VPS13C: variants seen among roughly 807,000 people sequenced by gnomAD.
VPS13C encodes the protein vacuolar protein sorting 13 homolog C.
A neutral mutation model predicts 456.8 loss-of-function variants in VPS13C; 358 were observed. The ratio of observed to expected loss-of-function variants is 0.78; its 90% CI spans 0.72 to 0.86. VPS13C has a LOEUF of 0.86. VPS13C is among the 40% of genes least tolerant of loss of function. The pLI is 0.00. For synonymous variants in VPS13C, 1,578 were observed against 1,486.7 expected (o/e 1.06, Z -1.41); for missense variants, 4,818 against 4,385.4 (o/e 1.10, Z -2.79).
chr15:61,889,874 A>AACACACAC (rs10689074), intron 67 of VPS13C, among the ~76,000 whole-genome samples: 6 of 150,762 alleles, frequency 4.0e-5, no homozygotes, highest in Non-Finnish European at 7.4e-5. Flanking sequence ...TAACTCATTA[A>AACACACAC]ACACACACAC....
At chr15:61,904,471 C>T (rs2043097248) in intron 66 of VPS13C, among the ~76,000 whole-genome samples, 1 of 145,980 alleles carries the variant, frequency 6.9e-6, no homozygotes, top group South Asian at 2.2e-4. Context: ...CAGTTAGAGG[C>T]TTTAATTAAA....
chr15:61,957,892 A>G (rs996834774), intron 37 of VPS13C, among the ~76,000 whole-genome samples: 2 of 152,116 alleles, frequency 1.3e-5, no homozygotes, highest in African/African-American at 4.8e-5. Flanking sequence ...GCAGATCTAT[A>G]CATATCTACA....
chr15:61,983,533 T>G (rs2045947738), intron 20 of VPS13C, among the ~76,000 whole-genome samples: 1 of 152,154 alleles, frequency 6.6e-6, no homozygotes, highest in African/African-American at 2.4e-5. Flanking sequence ...GTGTAACAAT[T>G]TGGAAGTCGT....
intron 38 of VPS13C, among the ~76,000 whole-genome samples, chr15:61,953,846 A>G (rs2044889516): frequency 6.6e-6 from 1 of 152,114 alleles, no homozygotes; most frequent in African/African-American, 2.4e-5. Context: ...CAGCACCCCA[A>G]GCTCCAATTA....
chr15:61,986,172 T>C lies in VPS13C; in HGVS notation c.1579-1173A>G, dbSNP rs77143923. Among the ~76,000 whole-genome samples the C allele has an allele frequency of 5.7e-5, 8 of 139,532 alleles. No individual in the cohort carries two copies. The South Asian group carries it at 1.2e-3, about 21-fold the overall frequency. The allele number at this position is 139,532 out of a possible 152,430, so 91.5% of individuals were successfully genotyped here. ...ACAGGCTCACTAGATTCATGACAAA[T>C]TGGAACAAAAACCAGCAGAAACAAC... On this transcript the variant is annotated intron_variant, in intron 18 of 84. Transcript: ENST00000644861.
intron 9 of VPS13C, among the ~76,000 whole-genome samples, chr15:62,018,243 T>C (rs919290998): frequency 2.0e-5 from 3 of 152,144 alleles, no homozygotes; most frequent in African/African-American, 7.2e-5. Flanking sequence ...CACGGACAAT[T>C]TGACTTCCTC....
At chr15:61,872,121 G>A in intron 78 of VPS13C, 87 bp from the exon 79 acceptor site, 1 of 1,053,642 alleles carries the variant, frequency 9.5e-7, no homozygotes, top group East Asian at 2.5e-5. Flanking sequence ...CAGACATACT[G>A]GAAATAACAA....
chr15:62,000,699 C>T lies in VPS13C; in HGVS notation c.1291-73G>A, dbSNP rs1311004277. 16 of 1,192,360 alleles carry T rather than the reference C, an allele frequency of 1.3e-5. No individual in the cohort carries two copies. The East Asian group carries it at 3.9e-4, about 29-fold the overall frequency. 73.9% of individuals were successfully genotyped at this position (1,192,360 alleles called of 1,614,324 possible). A position where few individuals can be genotyped will look rare whatever the true frequency, so the allele number is the denominator to read the frequency against. ...AAAAGAAATTTTTCTTTCATGATTT[C>T]TAGGCATATCTAGTCCATTATCAGT... On this transcript the variant is annotated intron_variant, in intron 15 of 84. Transcript: ENST00000644861.
intron 66 of VPS13C, among the ~76,000 whole-genome samples, chr15:61,899,848 A>T (rs947458801): frequency 6.6e-6 from 1 of 151,476 alleles, no homozygotes; most frequent in Non-Finnish European, 1.5e-5. Flanking sequence ...ATGAACATCG[A>T]TGCAAAAATC....
At chr15:62,012,001 T>G in intron 12 of VPS13C, 106 bp downstream of exon 12, 1 of 692,696 alleles carries the variant, frequency 1.4e-6, no homozygotes, top group Admixed American at 3.0e-5. Context: ...AGGTATAAAA[T>G]TAATATACTT....
At chr15:62,006,779 T>C (rs923402802) in intron 15 of VPS13C, among the ~76,000 whole-genome samples, 1 of 152,228 alleles carries the variant, frequency 6.6e-6, no homozygotes, top group African/African-American at 2.4e-5. Context: ...GTTTCCTGAC[T>C]TTTTAATGGT....
At chr15:62,002,805 G>C (rs77181742) in intron 15 of VPS13C, among the ~76,000 whole-genome samples, 9,285 of 152,152 alleles carry the variant, frequency 0.061, 343 homozygotes, top group Non-Finnish European at 0.084. Context: ...GTTTTTGTCA[G>C]GTTTGTCAAA....
At position 61,858,918 on chromosome 15, in the gene VPS13C, G is replaced by A. The variant is rs1391832164; in HGVS notation, c.10953-2509C>T. ...TAACTGGTCTCCTTGCCTCTGGACTGATTCTCTTCCAGTATAACATCCAAA... is the reference window on the plus strand; with the variant it reads ...TAACTGGTCTCCTTGCCTCTGGACTAATTCTCTTCCAGTATAACATCCAAA... On this transcript the variant is annotated intron_variant, in intron 82 of 84. Coordinates refer to ENST00000644861, the MANE Select transcript of VPS13C (RefSeq NM_020821.3). The surrounding 1 kb of genome is among the most constrained non-coding windows in gnomAD (Gnocchi z 4.4). Among the ~76,000 whole-genome samples, 1 of 152,306 alleles carries A rather than the reference G, an allele frequency of 6.6e-6. No homozygotes were observed. The highest frequency in any genetic ancestry group is 1.9e-4 in the East Asian group (1 of 5,184).
chr15:61,907,240 G>A, intron 66 of VPS13C, 24 bp downstream of exon 66: 1 of 1,612,958 alleles, frequency 6.2e-7, no homozygotes, highest in South Asian at 1.1e-5. Flanking sequence ...AACTCATATA[G>A]CACTCATTCA....
intron 81 of VPS13C, among the ~76,000 whole-genome samples, chr15:61,868,375 A>T (rs1894743935): frequency 6.6e-6 from 1 of 152,176 alleles, no homozygotes; most frequent in Admixed American, 6.5e-5. Context: ...AAAATTAACA[A>T]TGTTAACTAA....
At chr15:61,872,979 T>C (rs888958803) in intron 78 of VPS13C, among the ~76,000 whole-genome samples, 1 of 152,080 alleles carries the variant, frequency 6.6e-6, no homozygotes, top group African/African-American at 2.4e-5. Context: ...ATAGGTACCA[T>C]GTATCTCTGC....
intron 2 of VPS13C, among the ~76,000 whole-genome samples, chr15:62,043,400 G>A (rs867905819): frequency 1.3e-5 from 2 of 152,204 alleles, no homozygotes; most frequent in South Asian, 4.1e-4. Flanking sequence ...GAGGTCAGGA[G>A]TTGCAGACCA....
chr15:61,974,518 G>C (rs962959007), intron 24 of VPS13C, 101 bp from the exon 25 acceptor site: 3 of 1,292,752 alleles, frequency 2.3e-6, no homozygotes, highest in Non-Finnish European at 3.2e-6. Flanking sequence ...CTAAACTTTT[G>C]ACATGTTTTA....
rs770612726 is a variant in VPS13C, at chr15:61,963,900, T to C, written c.3266A>G (p.Lys1089Arg). The C allele has an allele frequency of 4.3e-6, 7 of 1,612,598 alleles. No homozygotes were observed. Among genetic ancestry groups the C allele is most frequent in the Non-Finnish European group, 5.9e-6 (7 of 1,179,056 alleles). Residue 1089 changes from lysine (K) to arginine (R), a missense_variant, in exon 32 of 85, where the codon AAG becomes AGG. By Grantham distance (26) the Lys-to-Arg change is conservative. Coordinates refer to ENST00000644861, the MANE Select transcript of VPS13C (RefSeq NM_020821.3). ...SDIIDFRLFA[K>R]LNAFCVIVCN... ...AACAATGACACAGAAAGCATTCAACTTGGCAAATAGCCTGAAATCAATAAT... is the reference window on the plus strand; with the variant it reads ...AACAATGACACAGAAAGCATTCAACCTGGCAAATAGCCTGAAATCAATAAT...
Sources: allele counts gnomAD v4.1 joint callset (sites outside exome capture counted in the v4.1 genomes callset), GRCh38; gene constraint gnomAD v4.1.1; non-coding constraint Gnocchi (gnomAD v3.1); transcripts MANE v1.5; gene names NCBI Gene and HGNC (gene_info 2026-07-23, HGNC 2026-07-21).